CDH2: variants seen among roughly 807,000 people sequenced by gnomAD.
The protein encoded by CDH2 is cadherin-2.
CDH2 carries 17 observed loss-of-function variants against 92.0 expected under a neutral mutation model. The ratio of observed to expected loss-of-function variants is 0.18; its 90% confidence interval spans 0.13 to 0.28. CDH2 has a LOEUF of 0.28. Among genes scored for constraint, CDH2 ranks in the 10% least tolerant of loss-of-function variants. The pLI, the probability that CDH2 is intolerant of heterozygous loss-of-function variation, is 1.00. For missense variants in CDH2, 862 were observed against 1,133.1 expected, an observed-to-expected ratio of 0.76 and a Z score of 3.44; for synonymous variants, 419 against 415.9, an observed-to-expected ratio of 1.01 and a Z score of -0.09.
Position 27,952,200 on chromosome 18 carries a change from G to A in CDH2, c.2674C>T (p.Pro892Ser), listed in dbSNP as rs1328130862. 6.2e-7 allele frequency: 1 copy of A among 1,613,642 alleles called. No individual in the cohort carries two copies. The highest frequency in any genetic ancestry group is 8.5e-7 in the Non-Finnish European group (1 of 1,179,710). The change falls in exon 16 of 16, where the codon CCA (proline) becomes TCA (serine). Residue 892 changes from proline (P) to serine (S), a missense_variant. Physicochemically the swap from Pro to Ser is moderately conservative, Grantham distance 74. Coordinates refer to ENST00000269141, the MANE Select transcript of CDH2 (RefSeq NM_001792.5). ...QDYDYLNDWG[P>S]RFKKLADMYG... ...ATGTCAGCAAGTTTCTTGAACCGTG[G>A]CCCCCAGTCGTTCAGGTAATCATAG...
At chr18:28,148,519 C>A (rs1385001420) in intron 1 of CDH2, among the ~76,000 whole-genome samples, 2 of 152,182 alleles carry the variant, frequency 1.3e-5, no homozygotes. Context: ...AAGTTAGTTG[C>A]CCTACTTCTT....
At chr18:27,970,161 G>A (rs1179694909) in intron 14 of CDH2, among the ~76,000 whole-genome samples, 1 of 152,150 alleles carries the variant, frequency 6.6e-6, no homozygotes, top group Non-Finnish European at 1.5e-5. Context: ...ATGGAGCACT[G>A]GAAATATGAA....
intron 2 of CDH2, among the ~76,000 whole-genome samples, chr18:28,024,535 T>C (rs1482574621): frequency 6.6e-6 from 1 of 150,970 alleles, no homozygotes; most frequent in Admixed American, 6.6e-5. Context: ...AATAAAAAGC[T>C]TCAAAATTAA....
At chr18:28,160,637 T>C (rs563322339) in intron 1 of CDH2, among the ~76,000 whole-genome samples, 2 of 152,012 alleles carry the variant, frequency 1.3e-5, no homozygotes, top group Non-Finnish European at 2.9e-5. Flanking sequence ...CCATAGTAAA[T>C]GGCAGAGAAA....
chr18:28,051,634 C>CT (rs1933966685), intron 2 of CDH2, among the ~76,000 whole-genome samples: 1 of 152,080 alleles, frequency 6.6e-6, no homozygotes, highest in African/African-American at 2.4e-5. Flanking sequence ...ATTAACCTTA[C>CT]TCAAAATATG....
chr18:27,966,510 T>C (rs1470671747), intron 14 of CDH2, among the ~76,000 whole-genome samples: 3 of 152,166 alleles, frequency 2.0e-5, no homozygotes, highest in African/African-American at 7.2e-5. Context: ...GCAAATAAAA[T>C]TGCATTTTGA....
chr18:28,120,670 C>T (rs532602841), intron 2 of CDH2, among the ~76,000 whole-genome samples: 1 of 151,942 alleles, frequency 6.6e-6, no homozygotes, highest in Non-Finnish European at 1.5e-5. Context: ...AAAAGGGAGG[C>T]ATGATTTATG....
chr18:28,058,770 T>C (rs937082746), intron 2 of CDH2, among the ~76,000 whole-genome samples: 3 of 152,236 alleles, frequency 2.0e-5, no homozygotes, highest in Admixed American at 2.0e-4. Flanking sequence ...TTCTGTTTTA[T>C]AGATTTGGAC....
At chr18:28,159,126 A>C (rs1215342902) in intron 1 of CDH2, 1 of 152,256 alleles carries the variant, frequency 6.6e-6, no homozygotes, top group East Asian at 1.9e-4. Flanking sequence ...TATGTTAAAC[A>C]AAGAGGGATG....
intron 15 of CDH2, among the ~76,000 whole-genome samples, chr18:27,962,799 T>C (rs796097203): frequency 3.3e-5 from 5 of 152,334 alleles, no homozygotes; most frequent in African/African-American, 1.2e-4. Flanking sequence ...ATCTGTTATA[T>C]GCAACAGAGA....
rs1196745621 is a variant in CDH2 at position 27,958,398 on chromosome 18, C to T, written c.2514+4959G>A. On this transcript the variant is annotated intron_variant, in intron 15 of 15. Transcript: ENST00000269141. ...CAGAATTATTCACTTGGTTTTTATA[C>T]TTTTGAGTAGAGAAATATACTTCAT... is the stretch of plus-strand genomic sequence containing the variant. Among the ~76,000 whole-genome samples, 4 of 151,746 alleles carry T rather than the reference C, an allele frequency of 2.6e-5. No individual in the cohort carries two copies. In the East Asian group the frequency reaches 7.8e-4, roughly 29 times the overall value.
chr18:28,074,860 A>G (rs1229912236), intron 2 of CDH2, among the ~76,000 whole-genome samples: 2 of 152,142 alleles, frequency 1.3e-5, no homozygotes, highest in Non-Finnish European at 2.9e-5. Flanking sequence ...TGAAGTAAAA[A>G]TAAGAGTATA....
chr18:28,111,992 C>T (rs1599109305), intron 2 of CDH2, among the ~76,000 whole-genome samples: 1 of 152,174 alleles, frequency 6.6e-6, no homozygotes, highest in East Asian at 1.9e-4. Flanking sequence ...CACACATATT[C>T]TTCTATCTAC....
At chr18:28,044,101 T>A (rs1193819710) in intron 2 of CDH2, among the ~76,000 whole-genome samples, 1 of 151,568 alleles carries the variant, frequency 6.6e-6, no homozygotes, top group South Asian at 2.1e-4. Context: ...TTAGTAGAGA[T>A]AGGTTTTCAC....
chr18:28,036,128 G>A (rs779062300), intron 2 of CDH2, among the ~76,000 whole-genome samples: 5 of 152,128 alleles, frequency 3.3e-5, no homozygotes, highest in Non-Finnish European at 7.4e-5. Context: ...ACAGTTTGTT[G>A]TTAAGTATTA....
intron 2 of CDH2, among the ~76,000 whole-genome samples, chr18:28,075,045 G>A (rs746363976): frequency 6.6e-6 from 1 of 152,132 alleles, no homozygotes; most frequent in Non-Finnish European, 1.5e-5. Context: ...TCTGTTAACA[G>A]AGTATCCTAT....
Position 28,009,889 on chromosome 18 carries a change from C to T in CDH2, c.547-17G>A. 2 of 1,594,920 alleles carry T rather than the reference C, an allele frequency of 1.3e-6. No homozygotes were observed. The highest frequency in any genetic ancestry group is 2.3e-5 in the East Asian group (1 of 44,406). On this transcript the variant is annotated splice_polypyrimidine_tract_variant and intron_variant, in intron 4 of 15. Transcript: ENST00000269141. ...AGACCTGATCTGAGGATCAAGAAAA[C>T]AATGACATTAAGTGAGAGACTAAAT...
chr18:27,993,709 C>T (rs545028404), intron 7 of CDH2, 72 bp from the exon 8 acceptor site: 12 of 1,191,582 alleles, frequency 1.0e-5, no homozygotes, highest in East Asian at 4.7e-5. Context: ...GTTCTGTAAA[C>T]GGCTCTTTAT....
chr18:28,135,140 T>C (rs774746460), intron 2 of CDH2, among the ~76,000 whole-genome samples: 5 of 152,152 alleles, frequency 3.3e-5, no homozygotes, highest in Non-Finnish European at 7.4e-5. Flanking sequence ...ACCTGACTCA[T>C]AGGGTGTGGG....
Sources: allele counts gnomAD v4.1 joint callset (sites outside exome capture counted in the v4.1 genomes callset), GRCh38; gene constraint gnomAD v4.1.1; transcripts MANE v1.5; gene names NCBI Gene and HGNC (gene_info 2026-07-23, HGNC 2026-07-21).